The following SCLY variants were observed in gnomAD, a reference collection of about 807,000 sequenced individuals.
SCLY encodes the protein putative selenocysteine lyase.
Under a neutral mutation model 50.1 loss-of-function variants are expected in SCLY, and 38 were observed. The observed-to-expected ratio is 0.76, with a 90% CI of 0.59 to 0.99. The LOEUF (loss-of-function observed/expected upper bound fraction) is 0.99. Ranked by LOEUF, SCLY falls within the 50% of genes least tolerant of loss-of-function variation. SCLY has a pLI of 0.00. For missense variants in SCLY, 600 were observed against 620.0 expected (o/e 0.97, Z 0.34); for synonymous variants, 243 against 249.4 (o/e 0.97, Z 0.24).
Position 238,098,926 on chromosome 2 carries a change from C to G in SCLY, c.*571C>G. 4.5e-6 allele frequency: 1 copy of G among 221,374 alleles called. No individual in the cohort carries two copies. The highest frequency in any genetic ancestry group is 8.9e-6 in the Non-Finnish European group (1 of 111,872). 13.7% of individuals were successfully genotyped at this position (221,374 alleles called of 1,614,324 possible). ...TTTAGTCCCTTTCCAAAGCTGCCCC[C>G]ACCACCCTGCTCCTCTGGCCTCAGT... On this transcript the variant is annotated 3_prime_UTR_variant, in exon 12 of 12. Coordinates refer to ENST00000254663, the MANE Select transcript of SCLY (RefSeq NM_016510.7).
intron 4 of SCLY, 23 bp from the exon 5 acceptor site, chr2:238,081,686 C>T (rs762232965): frequency 2.4e-5 from 39 of 1,609,366 alleles, no homozygotes; most frequent in Admixed American, 1.2e-4. Context: ...CAGCTCAGTT[C>T]GGTACTCATG....
chr2:238,095,278 G>A (rs116106671), intron 10 of SCLY, among the ~76,000 whole-genome samples: 2,907 of 152,184 alleles, frequency 0.019, 57 homozygotes, highest in East Asian at 0.09. Flanking sequence ...CATCTGCCTC[G>A]GCTAGGAGCA....
chr2:238,078,078 C>T (rs745328813), intron 4 of SCLY, among the ~76,000 whole-genome samples: 107 of 152,130 alleles, frequency 7.0e-4, no homozygotes, highest in Non-Finnish European at 1.0e-3. Context: ...CTCAGCCTCC[C>T]GAGTAGCTGG....
In SCLY at chr2:238,098,207, C is replaced by T. The variant is rs374676681; in HGVS notation, c.1190C>T (p.Ser397Phe). 6.2e-7 allele frequency: 1 copy of T among 1,609,978 alleles called. No homozygotes were observed. The highest frequency in any genetic ancestry group is 1.3e-5 in the African/African-American group (1 of 74,866). ...ACHSDHGDQP[S>F]PVLLSYGVPF... ...CTCGGTCTCGCCCTCCCCAGGCCGT[C>T]CCCAGTGCTGCTGAGCTACGGTGTC... is the stretch of plus-strand genomic sequence containing the variant. The change falls in exon 12 of 12, where the codon TCC becomes TTC. Residue 397 changes from serine (S) to phenylalanine (F), a missense_variant. Transcript: ENST00000254663.
chr2:238,093,585 C>G, intron 8 of SCLY: 2 of 464,776 alleles, frequency 4.3e-6, no homozygotes, highest in Non-Finnish European at 3.9e-6. Flanking sequence ...TTTTGTCCGT[C>G]TGCCTCTCTG....
intron 1 of SCLY, among the ~76,000 whole-genome samples, chr2:238,063,276 G>A (rs1263728937): frequency 6.7e-6 from 1 of 149,618 alleles, no homozygotes; most frequent in Non-Finnish European, 1.5e-5. Flanking sequence ...TTTTTGAGAC[G>A]GACTCTCACT....
chr2:238,065,660 T>TTTATTATTATTATTATTA (rs61131460), intron 2 of SCLY, among the ~76,000 whole-genome samples: 2,876 of 143,480 alleles, frequency 0.02, 50 homozygotes, highest in African/African-American at 0.035. Context: ...AATATTTTAT[T>TTTATTATTATTATTATTA]TTATTATTAT....
At chr2:238,084,666 G>A (rs1310015160) in intron 7 of SCLY, among the ~76,000 whole-genome samples, 10 of 149,726 alleles carry the variant, frequency 6.7e-5, no homozygotes, top group African/African-American at 2.2e-4. Context: ...AGGCCGAGGC[G>A]GGTGGATCAC....
intron 4 of SCLY, among the ~76,000 whole-genome samples, chr2:238,075,277 G>T (rs144880609): frequency 4.2e-4 from 64 of 152,150 alleles, no homozygotes; most frequent in Non-Finnish European, 8.1e-4. Context: ...TTTTAGATTT[G>T]GTTCACTAGT....
Position 238,083,367 on chromosome 2 carries a change from G to A in SCLY, c.884+13G>A, listed in dbSNP as rs2065258056. On this transcript the variant is annotated intron_variant, in intron 7 of 11. Coordinates refer to ENST00000254663, the MANE Select transcript of SCLY (RefSeq NM_016510.7). This position sits in a 1 kb window ranked among gnomAD's most constrained non-coding sequence, Gnocchi z 4.3. Reference sequence around the variant, plus strand: ...ATTTCAGGCCAGGGTAAGGCAGAAAGTTAACAAAGTCTCTGACCTACTGAC... The same window carrying A: ...ATTTCAGGCCAGGGTAAGGCAGAAAATTAACAAAGTCTCTGACCTACTGAC... 2 of 1,546,660 alleles carry A rather than the reference G, an allele frequency of 1.3e-6. No homozygotes were observed. The highest frequency in any genetic ancestry group is 1.4e-5 in the African/African-American group (1 of 73,404).
intron 7 of SCLY, among the ~76,000 whole-genome samples, chr2:238,090,745 G>T (rs961471208): frequency 6.6e-6 from 1 of 152,090 alleles, no homozygotes; most frequent in Admixed American, 6.5e-5. Context: ...ATTGTCTTTA[G>T]GGGTCTCTTG....
chr2:238,061,041 G>A lies in SCLY; in HGVS notation c.-14G>A, dbSNP rs1186283381. On this transcript the variant is annotated 5_prime_UTR_variant, in exon 1 of 12. Transcript: ENST00000254663. ...CGGGAAGGAGGCTGGATGCCCGGCA[G>A]CAGTGGGGCGGGGATGGAGGCGGCC... The A allele has an allele frequency of 1.0e-4, 139 of 1,373,370 alleles. No individual in the cohort carries two copies. Among genetic ancestry groups the A allele is most frequent in the Non-Finnish European group, 1.3e-4 (137 of 1,071,704 alleles). The allele number at this position is 1,373,370 out of a possible 1,614,324, so 85.1% of individuals were successfully genotyped here.
At chr2:238,086,930 A>G (rs1356841291) in intron 7 of SCLY, among the ~76,000 whole-genome samples, 1 of 150,076 alleles carries the variant, frequency 6.7e-6, no homozygotes, top group Admixed American at 6.6e-5. Context: ...GAGGCAGGAG[A>G]ATCGCTTGAA....
Position 238,082,205 on chromosome 2 carries a change from A to G in SCLY, c.773A>G (p.His258Arg). 1.2e-6 allele frequency: 2 copies of G among 1,603,792 alleles called. No homozygotes were observed. The highest frequency in any genetic ancestry group is 1.7e-5 in the Admixed American group (1 of 58,430). Residue 258 changes from histidine to arginine, a missense_variant, in exon 6 of 12, where the codon CAC becomes CGC. His to Arg is a conservative substitution (Grantham distance 29). Transcript: ENST00000254663. ...GTGGACTTCCTTACAATCGTGGGGCACAAGGTAAGTCTGCAGAGGCTTCCT... is the reference window on the plus strand; with the variant it reads ...GTGGACTTCCTTACAATCGTGGGGCGCAAGGTAAGTCTGCAGAGGCTTCCT... ...LGVDFLTIVGHKFYGPRIGAL... is the reference protein window; with the variant it reads ...LGVDFLTIVGRKFYGPRIGAL...
intron 6 of SCLY, chr2:238,082,597 T>A (rs10194344): frequency 0.019 from 3,884 of 208,506 alleles, 148 homozygotes; most frequent in African/African-American, 0.083. Flanking sequence ...AAATCGTTGC[T>A]TTCTCTAATG....
Position 238,072,327 on chromosome 2 carries a change from G to C in SCLY, c.484+2850G>C, listed in dbSNP as rs546144799. On this transcript the variant is annotated intron_variant, in intron 4 of 11. Coordinates refer to ENST00000254663, the MANE Select transcript of SCLY (RefSeq NM_016510.7). ...GTTGTTTCCATTTGTTGGCTGTTAC[G>C]ACTAATGTGACATTTGTGCGTATGT... 1.4e-4 allele frequency among the ~76,000 whole-genome samples: 21 copies of C among 152,250 alleles called. No homozygotes were observed. In the South Asian group the frequency reaches 4.1e-3, roughly 30 times the overall value.
chr2:238,098,288 GGGCCGA>G lies in SCLY; in HGVS notation c.1274_1279del (p.Ala425_Glu426del). 6.2e-7 allele frequency: 1 copy of G among 1,609,436 alleles called. No homozygotes were observed. Among genetic ancestry groups the G allele is most frequent in the Non-Finnish European group, 8.5e-7 (1 of 1,179,576 alleles). ...CTCAGCGTGGGCCGCAGCACCACCA[GGGCCGA>G]GGTGGACCTCGTCGTGCAGGACCTG... On this transcript the variant is annotated inframe_deletion, in exon 12 of 12. Transcript: ENST00000254663.
Position 238,061,036 on chromosome 2 carries a change from C to G in SCLY, c.-19C>G, listed in dbSNP as rs1163824225. 4 of 1,369,302 alleles carry G rather than the reference C, an allele frequency of 2.9e-6. No homozygotes were observed. The highest frequency in any genetic ancestry group is 3.9e-5 in the Admixed American group (1 of 25,836). The allele number at this position is 1,369,302 out of a possible 1,614,324, so 84.8% of individuals were successfully genotyped here. A position where few individuals can be genotyped will look rare whatever the true frequency, so the allele number is the denominator to read the frequency against. On this transcript the variant is annotated 5_prime_UTR_variant, in exon 1 of 12. Transcript: ENST00000254663. The stretch of plus-strand genomic sequence containing the variant: ...CTCCGCGGGAAGGAGGCTGGATGCC[C>G]GGCAGCAGTGGGGCGGGGATGGAGG...
chr2:238,098,668 T>TCCACATAGAACCGTCCACATGGGACCGC lies in SCLY; in HGVS notation c.*315_*316insACATAGAACCGTCCACATGGGACCGCCC. 1 of 98,730 alleles carries TCCACATAGAACCGTCCACATGGGACCGC rather than the reference T, an allele frequency of 1.0e-5. No individual in the cohort carries two copies. The highest frequency in any genetic ancestry group is 1.6e-5 in the Non-Finnish European group (1 of 60,718). The allele number at this position is 98,730 out of a possible 1,614,324, so 6.1% of individuals were successfully genotyped here. A position where few individuals can be genotyped will look rare whatever the true frequency, so the allele number is the denominator to read the frequency against. Reference sequence around the variant, plus strand: ...ACATGGGACCGCCCACATAGAACCGTCCTCCAGTGGTGAAGCGGAAACACT... The same window carrying TCCACATAGAACCGTCCACATGGGACCGC: ...ACATGGGACCGCCCACATAGAACCGTCCACATAGAACCGTCCACATGGGACCGCCCTCCAGTGGTGAAGCGGAAACACT... On this transcript the variant is annotated 3_prime_UTR_variant, in exon 12 of 12. Transcript: ENST00000254663.
Sources: gnomAD v4.1 joint callset for allele counts (sites outside exome capture counted in the v4.1 genomes callset) on GRCh38, gnomAD v4.1.1 for gene constraint, Gnocchi (gnomAD v3.1) non-coding constraint, MANE v1.5 for transcripts, NCBI Gene and HGNC (gene_info 2026-07-23, HGNC 2026-07-21) for gene names.